CNTNAP5: variants seen among roughly 807,000 people sequenced by gnomAD.
CNTNAP5 encodes the protein contactin-associated protein-like 5.
CNTNAP5 carries 72 observed loss-of-function variants against 150.2 expected under a neutral mutation model. The observed-to-expected ratio is 0.48, with a 90% CI of 0.40 to 0.58. CNTNAP5 has a LOEUF of 0.58. Among genes scored for constraint, CNTNAP5 ranks in the 20% least tolerant of loss-of-function variants. The pLI, the probability that CNTNAP5 is intolerant of heterozygous loss-of-function variation, is 0.00. For synonymous variants in CNTNAP5, 672 were observed against 619.8 expected, an observed-to-expected ratio of 1.08 and a Z score of -1.25; for missense variants, 1,636 against 1,626.2, an observed-to-expected ratio of 1.01 and a Z score of -0.10.
chr2:124,630,235 T>G (rs1677822604), intron 12 of CNTNAP5, among the ~76,000 whole-genome samples: 1 of 152,252 alleles, frequency 6.6e-6, no homozygotes, highest in South Asian at 2.1e-4. Flanking sequence ...GACACCAGCA[T>G]AATCCTGATT....
At chr2:124,283,021 C>T (rs369392068) in intron 3 of CNTNAP5, among the ~76,000 whole-genome samples, 14 of 145,676 alleles carry the variant, frequency 9.6e-5, no homozygotes, top group African/African-American at 2.8e-4. Context: ...GACCTACTTT[C>T]GGGTCACCAT....
Position 124,292,665 on chromosome 2 carries a change from AAG to A in CNTNAP5, c.381+50274_381+50275del, listed in dbSNP as rs574082071. ...TATTGTATAATATTTTTATTAAAGA[AAG>A]ATATTATAAAAGGAGGAGAAAACAC... On this transcript the variant is annotated intron_variant, in intron 3 of 23. Transcript: ENST00000682447. 4.9e-4 allele frequency among the ~76,000 whole-genome samples: 75 copies of A among 152,126 alleles called. 1 individual carries two copies. In the South Asian group the frequency reaches 0.014, roughly 29 times the overall value.
intron 1 of CNTNAP5, among the ~76,000 whole-genome samples, chr2:124,211,332 T>C (rs1186888838): frequency 6.6e-6 from 1 of 152,170 alleles, no homozygotes; most frequent in Admixed American, 6.5e-5. Flanking sequence ...GATTTAGATA[T>C]TTTACATGAA....
intron 13 of CNTNAP5, among the ~76,000 whole-genome samples, chr2:124,705,608 T>A (rs2105094947): frequency 6.6e-6 from 1 of 152,088 alleles, no homozygotes; most frequent in East Asian, 1.9e-4. Flanking sequence ...TTTAAATAAA[T>A]GTTGAATTAA....
intron 13 of CNTNAP5, among the ~76,000 whole-genome samples, chr2:124,673,219 A>T (rs1678859268): frequency 6.9e-6 from 1 of 145,680 alleles, no homozygotes; most frequent in Non-Finnish European, 1.5e-5. Flanking sequence ...TCGAGTACAC[A>T]ATCTTAAAAC....
At chr2:124,051,211 T>A (rs75070890) in intron 1 of CNTNAP5, among the ~76,000 whole-genome samples, 1 of 151,718 alleles carries the variant, frequency 6.6e-6, no homozygotes, top group African/African-American at 2.4e-5. Flanking sequence ...AAAAAAAAAA[T>A]ACACACAAAC....
At chr2:124,229,007 T>C (rs1686543024) in intron 2 of CNTNAP5, among the ~76,000 whole-genome samples, 1 of 152,074 alleles carries the variant, frequency 6.6e-6, no homozygotes, top group Admixed American at 6.6e-5. Context: ...CCTTGATGAT[T>C]ATATAAAACC....
At chr2:124,154,327 C>T (rs958924916) in intron 1 of CNTNAP5, among the ~76,000 whole-genome samples, 4 of 151,916 alleles carry the variant, frequency 2.6e-5, no homozygotes, top group African/African-American at 4.8e-5. Flanking sequence ...GGGAGATAAA[C>T]GGAACAGTAG....
intron 10 of CNTNAP5, among the ~76,000 whole-genome samples, chr2:124,556,887 A>T (rs554071710): frequency 6.6e-6 from 1 of 152,228 alleles, no homozygotes; most frequent in Non-Finnish European, 1.5e-5. Context: ...TAAAGGTAAC[A>T]AGGATCAAGG....
chr2:124,409,839 C>T (rs1163805639), intron 3 of CNTNAP5, among the ~76,000 whole-genome samples: 2 of 152,072 alleles, frequency 1.3e-5, no homozygotes, highest in East Asian at 3.9e-4. Context: ...AACTCACCAG[C>T]TAACATAATA....
chr2:124,116,640 A>G (rs1683435820), intron 1 of CNTNAP5, among the ~76,000 whole-genome samples: 1 of 152,178 alleles, frequency 6.6e-6, no homozygotes, highest in Non-Finnish European at 1.5e-5. Flanking sequence ...CCATTTTTAC[A>G]TAAATTTAAA....
intron 1 of CNTNAP5, among the ~76,000 whole-genome samples, chr2:124,145,808 A>C (rs1276085009): frequency 3.7e-5 from 1 of 26,798 alleles, no homozygotes. Flanking sequence ...AAAAAAAAAA[A>C]CATTAAAAAA....
In CNTNAP5 at chr2:124,765,786, T is replaced by C. The variant is rs188402976; in HGVS notation, c.2533+1639T>C. ...GCATGCCCAATATGGTGAAACCCCG[T>C]CGCCACTAAAAATACAAAAATTATC... On this transcript the variant is annotated intron_variant, in intron 16 of 23. Transcript: ENST00000682447. Among the ~76,000 whole-genome samples the C allele has an allele frequency of 7.3e-3, 1,106 of 152,010 alleles. 12 individuals carry two copies. The highest frequency in any genetic ancestry group is 0.023 in the African/African-American group (957 of 41,474).
chr2:124,779,034 G>T (rs1681389678), intron 17 of CNTNAP5, among the ~76,000 whole-genome samples: 2 of 152,134 alleles, frequency 1.3e-5, no homozygotes, highest in Admixed American at 1.3e-4. Context: ...CGTGTGTAGA[G>T]GGGCTTAGGG....
chr2:124,220,825 T>A (rs977593953), intron 1 of CNTNAP5, among the ~76,000 whole-genome samples: 1 of 152,036 alleles, frequency 6.6e-6, no homozygotes, highest in Non-Finnish European at 1.5e-5. Context: ...CCCCAACACT[T>A]AATATTGTTA....
At chr2:124,773,660 A>T (rs1278258868) in intron 17 of CNTNAP5, among the ~76,000 whole-genome samples, 2 of 152,068 alleles carry the variant, frequency 1.3e-5, no homozygotes, top group Admixed American at 6.6e-5. Context: ...CATTCCACTC[A>T]TAGTCACTGA....
chr2:124,406,397 T>C (rs555244086), intron 3 of CNTNAP5, among the ~76,000 whole-genome samples: 1 of 152,372 alleles, frequency 6.6e-6, no homozygotes, highest in East Asian at 1.9e-4. Flanking sequence ...AATTCCATTT[T>C]CTGTACTTTC....
intron 1 of CNTNAP5, among the ~76,000 whole-genome samples, chr2:124,162,117 A>G (rs1027808764): frequency 3.3e-5 from 5 of 152,116 alleles, no homozygotes; most frequent in African/African-American, 4.8e-5. Flanking sequence ...TCTTATGCAT[A>G]TTTCTCTCTG....
intron 3 of CNTNAP5, among the ~76,000 whole-genome samples, chr2:124,326,020 A>T (rs761196734): frequency 2.0e-5 from 3 of 152,196 alleles, no homozygotes; most frequent in Non-Finnish European, 4.4e-5. Context: ...GAAGACATGA[A>T]ATGAGTATAA....
Sources: allele counts gnomAD v4.1 joint callset (sites outside exome capture counted in the v4.1 genomes callset), GRCh38; gene constraint gnomAD v4.1.1; transcripts MANE v1.5; gene names NCBI Gene and HGNC (gene_info 2026-07-23, HGNC 2026-07-21).